Variants in LRRC39 observed in about 807,000 individuals in gnomAD.
The protein encoded by LRRC39 is leucine-rich repeat-containing protein 39.
LRRC39 carries 35 observed loss-of-function variants against 39.7 expected under a neutral mutation model. That is an observed-to-expected ratio of 0.88 (90% CI 0.67 to 1.17). The LOEUF is 1.17. Ranked by LOEUF, LRRC39 falls within the 50% of genes most tolerant of loss-of-function variation. The pLI is 0.00. For missense variants in LRRC39, 357 were observed against 385.8 expected, an observed-to-expected ratio of 0.93 and a Z score of 0.62; for synonymous variants, 113 against 134.1, an observed-to-expected ratio of 0.84 and a Z score of 1.09.
chr1:100,158,364 A>G lies in LRRC39; in HGVS notation c.380T>C (p.Leu127Pro), dbSNP rs1215177289. The change falls in exon 6 of 10, where the codon CTG becomes CCG. Residue 127 changes from leucine (L) to proline (P), a missense_variant. Leu to Pro is a moderately conservative substitution (Grantham distance 98). Coordinates refer to ENST00000370137, the MANE Select transcript of LRRC39 (RefSeq NM_144620.4). ...TISEIPPGIG[L>P]LTRLQELILS... is the part of the protein sequence containing the mutation. ...AATCAGTTCCTGAAGTCTAGTAAGC[A>G]GTCCTATAAAAAATAATATACAATA... is the stretch of plus-strand genomic sequence containing the variant. The G allele has an allele frequency of 1.2e-6, 2 of 1,611,732 alleles. No homozygotes were observed. The highest frequency in any genetic ancestry group is 1.3e-5 in the African/African-American group (1 of 74,848).
At position 100,159,219 on chromosome 1, in the gene LRRC39, G is replaced by C. The variant is rs1238493828; in HGVS notation, c.376+40C>G. The C allele has an allele frequency of 2.6e-6, 4 of 1,522,504 alleles. No homozygotes were observed. The South Asian group carries it at 4.1e-5, about 16-fold the overall frequency. The allele number at this position is 1,522,504 out of a possible 1,614,324, so 94.3% of individuals were successfully genotyped here. A position where few individuals can be genotyped will look rare whatever the true frequency, so the allele number is the denominator to read the frequency against. The stretch of plus-strand genomic sequence containing the variant: ...ATCTTAATAAAAAGCACATCTGCAG[G>C]TGGATAAAATAGCACAGGAATAAAA... On this transcript the variant is annotated intron_variant, in intron 5 of 9. Coordinates refer to ENST00000370137, the MANE Select transcript of LRRC39 (RefSeq NM_144620.4).
chr1:100,163,392 T>C (rs934662875), intron 3 of LRRC39, among the ~76,000 whole-genome samples: 1 of 152,132 alleles, frequency 6.6e-6, no homozygotes, highest in African/African-American at 2.4e-5. Context: ...AAAAATCTAT[T>C]TCCATCTCTG....
intron 2 of LRRC39, 76 bp downstream of exon 2, chr1:100,173,255 C>T (rs1659752334): frequency 6.6e-6 from 1 of 150,462 alleles, no homozygotes; most frequent in African/African-American, 2.4e-5. Context: ...AAAAACAAAA[C>T]AAAACAAAAC....
At chr1:100,160,331 G>T (rs1658781943) in intron 4 of LRRC39, 135 bp downstream of exon 4, 2 of 577,956 alleles carry the variant, frequency 3.5e-6, no homozygotes, top group Non-Finnish European at 5.7e-6. Flanking sequence ...TGCACATGTT[G>T]CTCAAATTCA....
At chr1:100,155,348 T>A (rs1298249382) in intron 7 of LRRC39, 145 bp from the exon 8 acceptor site, 1 of 669,422 alleles carries the variant, frequency 1.5e-6, no homozygotes, top group South Asian at 3.0e-5. Context: ...ATTCTCCCCC[T>A]CAGCCTCCTA....
At position 100,160,544 on chromosome 1, in the gene LRRC39, T is replaced by C. The variant is rs1316789048; in HGVS notation, c.141A>G (p.Val47=). 2.5e-6 allele frequency: 4 copies of C among 1,613,808 alleles called. No homozygotes were observed. Among genetic ancestry groups the C allele is most frequent in the Non-Finnish European group, 3.4e-6 (4 of 1,179,806 alleles). The change falls in exon 4 of 10, where the codon GTA becomes GTG. Residue 47 remains valine, a synonymous_variant. Coordinates refer to ENST00000370137, the MANE Select transcript of LRRC39 (RefSeq NM_144620.4). ...HKLVRIWEER[V]SLTKLREKVT... ...CCTTTTCTCTTAGCTTGGTTAAGCT[T>C]ACTCGTTCTTCCCAGATCCGCACTA...
chr1:100,166,938 G>A (rs1444650041), intron 3 of LRRC39, among the ~76,000 whole-genome samples: 1 of 152,148 alleles, frequency 6.6e-6, no homozygotes, highest in African/African-American at 2.4e-5. Flanking sequence ...CCAGCCATGT[G>A]GAACTGTGAG....
intron 8 of LRRC39, among the ~76,000 whole-genome samples, chr1:100,153,783 A>G (rs1025721591): frequency 1.3e-5 from 2 of 152,110 alleles, no homozygotes; most frequent in African/African-American, 4.8e-5. Context: ...TTTTTAAGAA[A>G]TAGTCTCTGT....
At chr1:100,171,607 A>G (rs1275494590) in intron 2 of LRRC39, among the ~76,000 whole-genome samples, 1 of 150,428 alleles carries the variant, frequency 6.6e-6, no homozygotes, top group Non-Finnish European at 1.5e-5. Flanking sequence ...GACTTAAGTA[A>G]TTCTCCTGCT....
chr1:100,161,972 A>G (rs1658911831), intron 3 of LRRC39, among the ~76,000 whole-genome samples: 1 of 152,174 alleles, frequency 6.6e-6, no homozygotes, highest in African/African-American at 2.4e-5. Context: ...AGAAACTGCC[A>G]TGCTGTTTCC....
intron 2 of LRRC39, 28 bp from the exon 3 acceptor site, chr1:100,168,622 G>T: frequency 1.3e-6 from 1 of 768,676 alleles, no homozygotes; most frequent in Non-Finnish European, 2.2e-6. Context: ...AAAAAGCAAT[G>T]TTTCAGACTG....
At chr1:100,176,819 A>G (rs781298467) in intron 1 of LRRC39, among the ~76,000 whole-genome samples, 14 of 152,232 alleles carry the variant, frequency 9.2e-5, no homozygotes, top group Non-Finnish European at 1.5e-5. Flanking sequence ...CAATCTATAA[A>G]AAAGTAAGGA....
chr1:100,149,695 G>A, intron 9 of LRRC39: 1 of 288,998 alleles, frequency 3.5e-6, no homozygotes, highest in Non-Finnish European at 6.4e-6. Context: ...CTCAAATTTA[G>A]GCCTTATTTA....
intron 3 of LRRC39, among the ~76,000 whole-genome samples, chr1:100,164,254 C>T (rs1659084306): frequency 6.6e-6 from 1 of 152,110 alleles, no homozygotes; most frequent in African/African-American, 2.4e-5. Flanking sequence ...TTAGCTAAAG[C>T]TCTAGCCAAT....
chr1:100,172,304 A>G (rs1174683537), intron 2 of LRRC39, among the ~76,000 whole-genome samples: 1 of 152,256 alleles, frequency 6.6e-6, no homozygotes, highest in African/African-American at 2.4e-5. Context: ...TTCTAGAAAG[A>G]AAAATACAGA....
At chr1:100,177,069 A>G (rs56034545) in intron 1 of LRRC39, among the ~76,000 whole-genome samples, 3,390 of 152,296 alleles carry the variant, frequency 0.022, 136 homozygotes, top group African/African-American at 0.077. Context: ...GAGAAGCTAA[A>G]AATAGGGATA....
At chr1:100,157,275 T>C (rs769084754) in intron 6 of LRRC39, among the ~76,000 whole-genome samples, 1 of 152,176 alleles carries the variant, frequency 6.6e-6, no homozygotes, top group Non-Finnish European at 1.5e-5. Context: ...CTTACTGTTC[T>C]CATGGTAGTG....
At chr1:100,160,639 T>G (rs80192669) in intron 3 of LRRC39, 68 bp from the exon 4 acceptor site, 35 of 1,272,392 alleles carry the variant, frequency 2.8e-5, no homozygotes, top group Middle Eastern at 1.9e-4. Flanking sequence ...TTTTTTTTTT[T>G]TGAGAGAGAG....
intron 2 of LRRC39, among the ~76,000 whole-genome samples, chr1:100,172,662 A>C (rs1659702775): frequency 6.6e-6 from 1 of 151,192 alleles, no homozygotes; most frequent in Admixed American, 6.6e-5. Context: ...GTCTCTACTA[A>C]AATACCAAAA....
Sources: allele counts gnomAD v4.1 joint callset (sites outside exome capture counted in the v4.1 genomes callset), GRCh38; gene constraint gnomAD v4.1.1; transcripts MANE v1.5; gene names NCBI Gene and HGNC (gene_info 2026-07-23, HGNC 2026-07-21).